Variants in TEAD4 observed in about 807,000 individuals in gnomAD.
The protein encoded by TEAD4 is TEA domain transcription factor 4.
Under a neutral mutation model 52.4 loss-of-function variants are expected in TEAD4, and 36 were observed. That is an observed-to-expected ratio of 0.69 (90% CI 0.53 to 0.91). The LOEUF (loss-of-function observed/expected upper bound fraction) is 0.91, where lower values mean the gene tolerates loss of function less well. TEAD4 is among the 40% of genes least tolerant of loss of function. TEAD4 has a pLI of 0.00. For missense variants in TEAD4, 508 were observed against 583.9 expected, an observed-to-expected ratio of 0.87 and a Z score of 1.34; for synonymous variants, 220 against 231.0, an observed-to-expected ratio of 0.95 and a Z score of 0.43.
rs71057876 is a variant in TEAD4, at chr12:2,990,461, C to CTTTTTTTTTTTTTTTTT, written c.-29-4266_-29-4250dup. Reference sequence around the variant, plus strand: ...TAGAATTTAGGCTAAGACAGATAATCTTTTTTTTTTTTTTTTTTTTTTTTT... The same window carrying CTTTTTTTTTTTTTTTTT: ...TAGAATTTAGGCTAAGACAGATAATCTTTTTTTTTTTTTTTTTTTTTTTTTTTTTTTTTTTTTTTTTT... On this transcript the variant is annotated intron_variant, in intron 2 of 12. Coordinates refer to ENST00000359864, the MANE Select transcript of TEAD4 (RefSeq NM_003213.4). 3.6e-4 allele frequency among the ~76,000 whole-genome samples: 24 copies of CTTTTTTTTTTTTTTTTT among 67,040 alleles called. 7 individuals carry two copies. Among genetic ancestry groups the CTTTTTTTTTTTTTTTTT allele is most frequent in the African/African-American group, 1.4e-3 (24 of 17,020 alleles). The allele number at this position is 67,040 out of a possible 152,430, so 44.0% of individuals were successfully genotyped here.
chr12:3,025,248 T>A (rs9783489), intron 10 of TEAD4, among the ~76,000 whole-genome samples: 29,378 of 152,196 alleles, frequency 0.19, 5,079 homozygotes, highest in African/African-American at 0.46. Flanking sequence ...GGCCTGAGCA[T>A]GTTATTCTCT....
intron 10 of TEAD4, among the ~76,000 whole-genome samples, chr12:3,025,827 G>A (rs1042884360): frequency 4.6e-5 from 7 of 152,178 alleles, no homozygotes; most frequent in Non-Finnish European, 8.8e-5. Flanking sequence ...ATGAGCTATC[G>A]TGCCTGGCCT....
In TEAD4 at chr12:3,035,538, C is replaced by T. The variant is rs562151583; in HGVS notation, c.898-2430C>T. Among the ~76,000 whole-genome samples, 3 of 152,248 alleles carry T rather than the reference C, an allele frequency of 2.0e-5. No homozygotes were observed. In the East Asian group the frequency reaches 5.8e-4, roughly 29 times the overall value. ...CAGGTGACTTCGAGAAAATAGGAGACAGGCCAGGTGCAGTGGTTCACACCT... is the reference window on the plus strand; with the variant it reads ...CAGGTGACTTCGAGAAAATAGGAGATAGGCCAGGTGCAGTGGTTCACACCT... On this transcript the variant is annotated intron_variant, in intron 10 of 12. Coordinates refer to ENST00000359864, the MANE Select transcript of TEAD4 (RefSeq NM_003213.4).
intron 10 of TEAD4, among the ~76,000 whole-genome samples, chr12:3,024,684 A>C (rs2098270947): frequency 6.6e-6 from 1 of 152,132 alleles, no homozygotes; most frequent in South Asian, 2.1e-4. Flanking sequence ...ACAAAACAAA[A>C]GTACAAAGAG....
chr12:3,003,386 G>A (rs1240138198), intron 3 of TEAD4, among the ~76,000 whole-genome samples: 1 of 152,156 alleles, frequency 6.6e-6, no homozygotes, highest in African/African-American at 2.4e-5. Context: ...ATGGTCTAGG[G>A]GGTGGGCTGC....
intron 2 of TEAD4, among the ~76,000 whole-genome samples, chr12:2,969,410 CT>C (rs1332116553): frequency 6.6e-6 from 1 of 152,190 alleles, no homozygotes; most frequent in Non-Finnish European, 1.5e-5. Flanking sequence ...CCTTAGAGGC[CT>C]TGGAACCGAT....
chr12:2,961,064 G>T (rs1476565184), intron 2 of TEAD4, among the ~76,000 whole-genome samples: 1 of 152,010 alleles, frequency 6.6e-6, no homozygotes, highest in Non-Finnish European at 1.5e-5. Context: ...TGAGATCTTT[G>T]CCTTTGGGGG....
chr12:2,969,354 T>C (rs956235570), intron 2 of TEAD4, among the ~76,000 whole-genome samples: 2 of 152,234 alleles, frequency 1.3e-5, no homozygotes, highest in African/African-American at 4.8e-5. Context: ...GTGCAAACAC[T>C]GTACCGTTTT....
intron 10 of TEAD4, among the ~76,000 whole-genome samples, chr12:3,022,645 C>CGTCTTG (rs2098269544): frequency 6.6e-6 from 1 of 152,198 alleles, no homozygotes; most frequent in South Asian, 2.1e-4. Context: ...TCCATTGAAA[C>CGTCTTG]GTCTTGTCTG....
intron 2 of TEAD4, among the ~76,000 whole-genome samples, chr12:2,984,564 C>G (rs1425005736): frequency 6.6e-6 from 1 of 152,170 alleles, no homozygotes; most frequent in Admixed American, 6.5e-5. Context: ...AAATGTGTCT[C>G]TTGGCGATTT....
chr12:3,023,650 G>A (rs1027736380), intron 10 of TEAD4, among the ~76,000 whole-genome samples: 2 of 151,562 alleles, frequency 1.3e-5, no homozygotes, highest in African/African-American at 4.8e-5. Context: ...AATTAGACAG[G>A]CGTGGTGGCA....
chr12:3,015,656 T>A (rs1029481786), intron 5 of TEAD4, among the ~76,000 whole-genome samples: 1 of 152,162 alleles, frequency 6.6e-6, no homozygotes, highest in African/African-American at 2.4e-5. Flanking sequence ...GCTTCTCAAC[T>A]TCTGTTTTTA....
At chr12:2,993,191 T>C (rs1270484582) in intron 2 of TEAD4, among the ~76,000 whole-genome samples, 1 of 152,240 alleles carries the variant, frequency 6.6e-6, no homozygotes, top group Non-Finnish European at 1.5e-5. Flanking sequence ...TTCACAATGC[T>C]GCGCAGCAGG....
In TEAD4 at chr12:2,994,824, G is replaced by C; in HGVS notation, c.58G>C (p.Glu20Gln). ...CGAGTGGAGCTCTCCCACCTCCCCT[G>C]AGGGGAGCACCGCCTCTGGGGGCAG... The change falls in exon 3 of 13, where the codon GAG becomes CAG. Residue 20 changes from glutamate (E) to glutamine (Q), a missense_variant. Physicochemically the swap from Glu to Gln is conservative, Grantham distance 29. Coordinates refer to ENST00000359864, the MANE Select transcript of TEAD4 (RefSeq NM_003213.4). The surrounding 1 kb of genome is among the most constrained non-coding windows in gnomAD (Gnocchi z 4.7). The C allele has an allele frequency of 6.2e-7, 1 of 1,613,964 alleles. No individual in the cohort carries two copies. The highest frequency in any genetic ancestry group is 8.5e-7 in the Non-Finnish European group (1 of 1,179,996).
rs148347828 is a variant in TEAD4 at position 2,994,932 on chromosome 12, G to A, written c.166G>A (p.Ala56Thr). ...TGAGCAGAGTTTCCAGGAGGCCCTCGCCATCTACCCGCCCTGTGGCAGGCG... is the reference window on the plus strand; with the variant it reads ...TGAGCAGAGTTTCCAGGAGGCCCTCACCATCTACCCGCCCTGTGGCAGGCG... Residue 56 changes from alanine to threonine, a missense_variant, in exon 3 of 13, where the codon GCC becomes ACC. Transcript: ENST00000359864. The surrounding 1 kb of genome is among the most constrained non-coding windows in gnomAD (Gnocchi z 4.7). The A allele has an allele frequency of 1.3e-4, 211 of 1,614,196 alleles. No homozygotes were observed. Among genetic ancestry groups the A allele is most frequent in the East Asian group, 9.1e-4 (41 of 44,866 alleles).
chr12:2,960,510 A>ATT (rs1357812331), intron 2 of TEAD4, among the ~76,000 whole-genome samples: 1 of 151,938 alleles, frequency 6.6e-6, no homozygotes, highest in African/African-American at 2.4e-5. Context: ...CAAAGTGAAC[A>ATT]TTTCCCCCGT....
intron 2 of TEAD4, among the ~76,000 whole-genome samples, chr12:2,961,356 G>T (rs2098215115): frequency 6.6e-6 from 1 of 151,892 alleles, no homozygotes; most frequent in Non-Finnish European, 1.5e-5. Flanking sequence ...CTTCAACGTG[G>T]ATATCATGTG....
chr12:3,031,508 G>C (rs562006071), intron 10 of TEAD4, among the ~76,000 whole-genome samples: 1 of 152,306 alleles, frequency 6.6e-6, no homozygotes, highest in South Asian at 2.1e-4. Context: ...GACCATCCTA[G>C]GTCTCTTGTT....
At position 3,005,674 on chromosome 12, in the gene TEAD4, T is replaced by C. The variant is rs563415854; in HGVS notation, c.227-5330T>C. On this transcript the variant is annotated intron_variant, in intron 3 of 12. Transcript: ENST00000359864. Reference sequence around the variant, plus strand: ...ACCATGCCCGGCTATATTTTTTTTGTATTTTTAGTAGAGACGGGGTTTCAT... The same window carrying C: ...ACCATGCCCGGCTATATTTTTTTTGCATTTTTAGTAGAGACGGGGTTTCAT... 2.2e-4 allele frequency among the ~76,000 whole-genome samples: 34 copies of C among 152,268 alleles called. No homozygotes were observed. In the South Asian group the frequency reaches 7.1e-3, roughly 32 times the overall value.
Sources: allele counts gnomAD v4.1 joint callset (sites outside exome capture counted in the v4.1 genomes callset), GRCh38; gene constraint gnomAD v4.1.1; non-coding constraint Gnocchi (gnomAD v3.1); transcripts MANE v1.5; gene names NCBI Gene and HGNC (gene_info 2026-07-23, HGNC 2026-07-21).